Variants in CFAP74 observed in about 807,000 individuals in gnomAD.
The protein encoded by CFAP74 is cilia and flagella associated protein 74.
CFAP74 carries 124 observed loss-of-function variants against 188.9 expected under a neutral mutation model. That is an observed-to-expected ratio of 0.66 (90% CI 0.57 to 0.76). The LOEUF (loss-of-function observed/expected upper bound fraction) is 0.76. CFAP74 is among the 30% of genes least tolerant of loss of function. The probability of loss-of-function intolerance (pLI) is 0.00; values close to 1 mark genes in which losing one functional copy is unlikely to be tolerated. For synonymous variants in CFAP74, 956 were observed against 916.7 expected, an observed-to-expected ratio of 1.04 and a Z score of -0.77; for missense variants, 2,198 against 2,165.2, an observed-to-expected ratio of 1.02 and a Z score of -0.30.
intron 10 of CFAP74, among the ~76,000 whole-genome samples, chr1:1,969,758 AG>A (rs964559646): frequency 2.0e-5 from 3 of 152,152 alleles, no homozygotes; most frequent in Non-Finnish European, 2.9e-5. Flanking sequence ...ATCGTGACTC[AG>A]GGGGGTGGGG....
In CFAP74 at chr1:1,956,754, C is replaced by T. The variant is rs3820011; in HGVS notation, c.1882G>A (p.Gly628Ser). 32 of 1,612,802 alleles carry T rather than the reference C, an allele frequency of 2.0e-5. No individual in the cohort carries two copies. The East Asian group carries it at 5.4e-4, about 27-fold the overall frequency. The change falls in exon 17 of 39, where the codon GGC becomes AGC. Residue 628 changes from glycine (G) to serine (S), a missense_variant. Physicochemically the swap from Gly to Ser is moderately conservative, Grantham distance 56. Transcript: ENST00000682832. ...GTGGTCTCTCCTACCACGTAGCTGCCGAAGTCAATGAGCTCCTTGTCGAGG... is the reference window on the plus strand; with the variant it reads ...GTGGTCTCTCCTACCACGTAGCTGCTGAAGTCAATGAGCTCCTTGTCGAGG... ...LSLDKELIDFGSYVVGETTSR... is the reference protein window; with the variant it reads ...LSLDKELIDFSSYVVGETTSR...
rs375375631 is a variant in CFAP74 at position 1,955,863 on chromosome 1, A to C, written c.2017-13T>G. On this transcript the variant is annotated splice_polypyrimidine_tract_variant and intron_variant, in intron 17 of 38. Coordinates refer to ENST00000682832, the MANE Select transcript of CFAP74 (RefSeq NM_001304360.2). ...TCAGGAGACTGCTCTAGAGAGGAGA[A>C]TCAACATCCTGGCTTGGGAGGTTTC... The C allele has an allele frequency of 1.9e-6, 3 of 1,601,754 alleles. No homozygotes were observed. The highest frequency in any genetic ancestry group is 2.7e-5 in the African/African-American group (2 of 74,604).
In CFAP74 at chr1:1,955,653, G is replaced by A. The variant is rs3838976; in HGVS notation, c.2176+38C>T. 4.6e-3 allele frequency: 4,180 copies of A among 914,854 alleles called. 64 individuals are homozygous for A. The highest frequency in any genetic ancestry group is 0.035 in the African/African-American group (1,936 of 56,074). 56.7% of individuals were successfully genotyped at this position (914,854 alleles called of 1,614,324 possible). On this transcript the variant is annotated intron_variant, in intron 18 of 38. Transcript: ENST00000682832. ...GGAATGCTGCCCTGAGGCCCTCACC[G>A]CCCGCCCACCCTGGCTTGGCCTGGC...
intron 25 of CFAP74, among the ~76,000 whole-genome samples, chr1:1,936,233 A>G (rs1570850736): frequency 6.9e-6 from 1 of 145,682 alleles, no homozygotes; most frequent in African/African-American, 2.6e-5. Flanking sequence ...AAAAAAAAAG[A>G]AAAAAAGAAA....
At chr1:1,922,749 C>G (rs768754968) in intron 37 of CFAP74, 26 bp from the exon 38 acceptor site, 13 of 1,595,318 alleles carry the variant, frequency 8.1e-6, no homozygotes, top group Non-Finnish European at 1.1e-5. Flanking sequence ...CTCCTGTAGG[C>G]TGGCGACCAG....
intron 18 of CFAP74, among the ~76,000 whole-genome samples, chr1:1,947,589 T>C (rs1653859209): frequency 6.6e-6 from 1 of 152,176 alleles, no homozygotes. Flanking sequence ...TCCTTGCAAG[T>C]CTGAGCAGGA....
intron 28 of CFAP74, 98 bp downstream of exon 28, chr1:1,927,509 C>A: frequency 8.4e-7 from 1 of 1,189,004 alleles, no homozygotes. Flanking sequence ...ATGGGTCATT[C>A]CGGGCAATCT....
At chr1:1,936,332 T>C (rs1570850950) in intron 25 of CFAP74, among the ~76,000 whole-genome samples, 2 of 144,818 alleles carry the variant, frequency 1.4e-5, no homozygotes, top group South Asian at 4.4e-4. Flanking sequence ...GACCACAAGG[T>C]CAAGAGATCG....
rs769070699 is a variant in CFAP74 at position 1,959,226 on chromosome 1, C to T, written c.1762-17G>A. On this transcript the variant is annotated splice_polypyrimidine_tract_variant and intron_variant, in intron 15 of 38. Coordinates refer to ENST00000682832, the MANE Select transcript of CFAP74 (RefSeq NM_001304360.2). Reference sequence around the variant, plus strand: ...CTTGTTTATCTAAAACATAAAACAACCCCCACCACAATACACTTCTGCAAC... The same window carrying T: ...CTTGTTTATCTAAAACATAAAACAATCCCCACCACAATACACTTCTGCAAC... The T allele has an allele frequency of 4.6e-6, 7 of 1,529,316 alleles. No individual in the cohort carries two copies. The highest frequency in any genetic ancestry group is 6.3e-6 in the Non-Finnish European group (7 of 1,104,298). 94.7% of individuals were successfully genotyped at this position (1,529,316 alleles called of 1,614,324 possible).
At chr1:1,957,623 G>A (rs942791923) in intron 16 of CFAP74, among the ~76,000 whole-genome samples, 2 of 152,222 alleles carry the variant, frequency 1.3e-5, no homozygotes, top group Admixed American at 1.3e-4. Flanking sequence ...AAATGCGGGA[G>A]AGGCCGGGGC....
In CFAP74 at chr1:1,981,683, G is replaced by A. The variant is rs111690691; in HGVS notation, c.500+3703C>T. Reference sequence around the variant, plus strand: ...ACAGGGGCACGCAGGACACCCAGCCGCGGACAGACACGGGGGCACGCAGGA... The same window carrying A: ...ACAGGGGCACGCAGGACACCCAGCCACGGACAGACACGGGGGCACGCAGGA... On this transcript the variant is annotated intron_variant, in intron 6 of 38. Coordinates refer to ENST00000682832, the MANE Select transcript of CFAP74 (RefSeq NM_001304360.2). 4.4e-3 allele frequency among the ~76,000 whole-genome samples: 446 copies of A among 101,658 alleles called. 6 individuals are homozygous for A. Among genetic ancestry groups the A allele is most frequent in the Non-Finnish European group, 6.3e-3 (318 of 50,778 alleles). The allele number at this position is 101,658 out of a possible 152,430, so 66.7% of individuals were successfully genotyped here.
At chr1:1,963,408 G>A (rs1225858295) in intron 14 of CFAP74, among the ~76,000 whole-genome samples, 5 of 126,438 alleles carry the variant, frequency 4.0e-5, no homozygotes, top group African/African-American at 6.3e-5. Context: ...CTGAGACCGC[G>A]CCATCGCACT....
intron 18 of CFAP74, among the ~76,000 whole-genome samples, chr1:1,950,609 G>A (rs1022674170): frequency 1.3e-5 from 2 of 152,094 alleles, no homozygotes; most frequent in African/African-American, 4.8e-5. Flanking sequence ...CAAAGTGCTG[G>A]GATTACAGGT....
At chr1:1,943,756 G>C (rs1221617303) in intron 21 of CFAP74, among the ~76,000 whole-genome samples, 2 of 152,194 alleles carry the variant, frequency 1.3e-5, no homozygotes, top group African/African-American at 4.8e-5. Context: ...CAAGCTTAGG[G>C]GCCCCACAAC....
intron 1 of CFAP74, among the ~76,000 whole-genome samples, chr1:1,993,210 A>AG (rs2102113164): frequency 6.6e-6 from 1 of 152,008 alleles, no homozygotes; most frequent in Non-Finnish European, 1.5e-5. Context: ...AAAAAAAAAA[A>AG]AAAAAAAAGA....
At chr1:1,982,253 C>T (rs373939783) in intron 6 of CFAP74, among the ~76,000 whole-genome samples, 4,317 of 98,326 alleles carry the variant, frequency 0.044, 33 homozygotes, top group Non-Finnish European at 0.055. Context: ...CGTGGTCACA[C>T]GCGGGGACAC....
Position 1,968,245 on chromosome 1 carries a change from A to G in CFAP74, c.1245+390T>C, listed in dbSNP as rs1418487037. Among the ~76,000 whole-genome samples, 1 of 152,128 alleles carries G rather than the reference A, an allele frequency of 6.6e-6. No homozygotes were observed. On this transcript the variant is annotated intron_variant, in intron 11 of 38. Coordinates refer to ENST00000682832, the MANE Select transcript of CFAP74 (RefSeq NM_001304360.2). This position sits in a 1 kb window ranked among gnomAD's most constrained non-coding sequence, Gnocchi z 4.3. ...ATCAGGAGTGCTTTGTAGCAGGGTG[A>G]TCCCAGGCATGTGGTCTGAACGGCT... is the stretch of plus-strand genomic sequence containing the variant.
chr1:1,947,995 T>C (rs1179042760), intron 18 of CFAP74, among the ~76,000 whole-genome samples: 1 of 152,048 alleles, frequency 6.6e-6, no homozygotes, highest in Non-Finnish European at 1.5e-5. Context: ...GCCTCAGCCT[T>C]CCGAGTAGCT....
chr1:2,003,070 G>C (rs1399087049), intron 1 of CFAP74, among the ~76,000 whole-genome samples: 4 of 152,194 alleles, frequency 2.6e-5, no homozygotes, highest in Non-Finnish European at 5.9e-5. Flanking sequence ...GCATGGGGGA[G>C]AGACTTTGGG....
Sources: allele counts gnomAD v4.1 joint callset (sites outside exome capture counted in the v4.1 genomes callset), GRCh38; gene constraint gnomAD v4.1.1; non-coding constraint Gnocchi (gnomAD v3.1); transcripts MANE v1.5; gene names NCBI Gene and HGNC (gene_info 2026-07-23, HGNC 2026-07-21).